The following SLC38A8 variants were observed in gnomAD, a reference collection of about 807,000 sequenced individuals.
SLC38A8 encodes the protein amino acid transporter SLC38A8.
A neutral mutation model predicts 46.0 loss-of-function variants in SLC38A8; 65 were observed. The observed-to-expected ratio is 1.41, with a 90% confidence interval of 1.16 to 1.74. SLC38A8 has a LOEUF of 1.74. Among genes scored for constraint, SLC38A8 ranks in the 40% most tolerant of loss-of-function variants. The probability of loss-of-function intolerance (pLI) is 0.00; values close to 1 mark genes in which losing one functional copy is unlikely to be tolerated. For synonymous variants in SLC38A8, 447 were observed against 243.7 expected (o/e 1.83, Z -7.77); for missense variants, 998 against 567.9 (o/e 1.76, Z -7.70).
intron 10 of SLC38A8, among the ~76,000 whole-genome samples, chr16:84,011,495 G>A (rs889581363): frequency 2.0e-5 from 3 of 152,152 alleles, no homozygotes; most frequent in South Asian, 2.1e-4. Context: ...CTAGAGGGCC[G>A]GGGGTATAGG....
At chr16:84,037,324 G>A (rs1198448184) in intron 2 of SLC38A8, among the ~76,000 whole-genome samples, 10 of 152,254 alleles carry the variant, frequency 6.6e-5, no homozygotes, top group African/African-American at 2.4e-4. Flanking sequence ...CTCACCTGCT[G>A]TGTGGCATGA....
chr16:84,037,978 G>GT (rs943800485), intron 2 of SLC38A8, among the ~76,000 whole-genome samples: 3 of 151,942 alleles, frequency 2.0e-5, no homozygotes, highest in East Asian at 1.9e-4. Context: ...CCAGCTAATT[G>GT]TTTTTTGTAT....
chr16:84,032,439 G>C (rs1340192634), intron 4 of SLC38A8, among the ~76,000 whole-genome samples: 1 of 152,190 alleles, frequency 6.6e-6, no homozygotes, highest in Non-Finnish European at 1.5e-5. Flanking sequence ...TGCCTGCCTT[G>C]GCCTCCCAAA....
At chr16:84,027,128 G>A (rs1035603446) in intron 6 of SLC38A8, among the ~76,000 whole-genome samples, 1 of 152,168 alleles carries the variant, frequency 6.6e-6, no homozygotes, top group African/African-American at 2.4e-5. Flanking sequence ...GAGGTGGGCA[G>A]ATCAAAAGGT....
chr16:84,032,414 G>T (rs1234532718), intron 4 of SLC38A8, among the ~76,000 whole-genome samples: 1 of 152,164 alleles, frequency 6.6e-6, no homozygotes, highest in Non-Finnish European at 1.5e-5. Context: ...GTTTTGAACT[G>T]CTGACCTCGT....
At chr16:84,010,230 G>A (rs897506979) in intron 10 of SLC38A8, among the ~76,000 whole-genome samples, 3 of 151,432 alleles carry the variant, frequency 2.0e-5, no homozygotes, top group African/African-American at 4.9e-5. Context: ...ACGATGACAC[G>A]AGGCCAATTT....
At chr16:84,015,803 T>A (rs1567690766) in intron 9 of SLC38A8, among the ~76,000 whole-genome samples, 1 of 152,184 alleles carries the variant, frequency 6.6e-6, no homozygotes, top group Non-Finnish European at 1.5e-5. Flanking sequence ...CCTCCCGGGT[T>A]CAAGTGATTC....
At chr16:84,013,564 G>A (rs968240748) in intron 9 of SLC38A8, among the ~76,000 whole-genome samples, 3 of 150,918 alleles carry the variant, frequency 2.0e-5, no homozygotes, top group Non-Finnish European at 2.9e-5. Flanking sequence ...CCGAGTAGCT[G>A]GGACTACAGG....
In SLC38A8 at chr16:84,035,699, G is replaced by A. The variant is rs117732747; in HGVS notation, c.388+1003C>T. 7.9e-5 allele frequency among the ~76,000 whole-genome samples: 12 copies of A among 152,336 alleles called. No homozygotes were observed. In the East Asian group the frequency reaches 1.3e-3, roughly 17 times the overall value. ...ACACTAGTCTTAAGGATGCTAGAGT[G>A]CCTCTATTAATGGTAGAGAAGACAG... On this transcript the variant is annotated intron_variant, in intron 3 of 10. Coordinates refer to ENST00000299709, the MANE Select transcript of SLC38A8 (RefSeq NM_001080442.3).
At position 84,026,665 on chromosome 16, in the gene SLC38A8, G is replaced by A. The variant is rs532080669; in HGVS notation, c.690+2829C>T. 3.3e-5 allele frequency among the ~76,000 whole-genome samples: 5 copies of A among 152,236 alleles called. No individual in the cohort carries two copies. In the South Asian group the frequency reaches 1.0e-3, roughly 31 times the overall value. Reference sequence around the variant, plus strand: ...GTGGCCAAAAAGTGGACCCCACCCAGATGCCCATCAAAGGACAGGGGATAA... The same window carrying A: ...GTGGCCAAAAAGTGGACCCCACCCAAATGCCCATCAAAGGACAGGGGATAA... On this transcript the variant is annotated intron_variant, in intron 6 of 10. Coordinates refer to ENST00000299709, the MANE Select transcript of SLC38A8 (RefSeq NM_001080442.3).
At chr16:84,022,652 G>C in intron 7 of SLC38A8, 123 bp downstream of exon 7, 1 of 723,340 alleles carries the variant, frequency 1.4e-6, no homozygotes. Flanking sequence ...GATTAAATAA[G>C]ATGCTCAAAA....
chr16:84,024,185 C>A (rs2085132527), intron 6 of SLC38A8, among the ~76,000 whole-genome samples: 1 of 152,162 alleles, frequency 6.6e-6, no homozygotes, highest in Non-Finnish European at 1.5e-5. Context: ...CCACGCAAAC[C>A]CCACTCTGTG....
At chr16:84,023,747 A>G (rs1032941707) in intron 6 of SLC38A8, among the ~76,000 whole-genome samples, 2 of 152,216 alleles carry the variant, frequency 1.3e-5, no homozygotes, top group Admixed American at 1.3e-4. Context: ...TACAAAAATT[A>G]GCCGGGCATG....
chr16:84,017,039 G>T (rs1345481768), intron 8 of SLC38A8, 101 bp downstream of exon 8: 3 of 1,463,680 alleles, frequency 2.0e-6, no homozygotes, highest in East Asian at 2.3e-5. Flanking sequence ...TGGAGAGGAT[G>T]GTAGTCCCAC....
chr16:84,017,048 A>C, intron 8 of SLC38A8, 92 bp downstream of exon 8: 3 of 1,515,124 alleles, frequency 2.0e-6, no homozygotes, highest in Non-Finnish European at 2.7e-6. Context: ...TGGTAGTCCC[A>C]CAGCCGCGTA....
At position 84,020,775 on chromosome 16, in the gene SLC38A8, A is replaced by G. The variant is rs2085086213; in HGVS notation, c.805+2000T>C. Among the ~76,000 whole-genome samples the G allele has an allele frequency of 2.6e-5, 4 of 152,220 alleles. No individual in the cohort carries two copies. In the South Asian group the frequency reaches 8.3e-4, roughly 32 times the overall value. ...CCTCTAAGATATCTGAAATGCCTTCAGGGTCTTTCTTCCATTCTCTAGATA... is the reference window on the plus strand; with the variant it reads ...CCTCTAAGATATCTGAAATGCCTTCGGGGTCTTTCTTCCATTCTCTAGATA... On this transcript the variant is annotated intron_variant, in intron 7 of 10. Coordinates refer to ENST00000299709, the MANE Select transcript of SLC38A8 (RefSeq NM_001080442.3).
chr16:84,013,420 G>GAGTTTTTTTT (rs1567689117), intron 9 of SLC38A8, among the ~76,000 whole-genome samples: 3 of 94,628 alleles, frequency 3.2e-5, no homozygotes, highest in African/African-American at 2.3e-4. Flanking sequence ...TTTGTTGTGT[G>GAGTTTTTTTT]TGTGTTTTTT....
intron 6 of SLC38A8, 118 bp from the exon 7 acceptor site, chr16:84,023,007 A>C (rs1337664783): frequency 1.5e-6 from 1 of 659,362 alleles, no homozygotes; most frequent in African/African-American, 1.9e-5. Context: ...CTCTTGAAAT[A>C]GCCTGATCAA....
rs182270934 is a variant in SLC38A8, at chr16:84,033,140, T to G, written c.530+188A>C. On this transcript the variant is annotated intron_variant, in intron 4 of 10. Transcript: ENST00000299709. ...TAGCACTGACGTTGTTACAGGTCAT[T>G]TTCTTCTTTAGGCTCATCTATGTTT... 1.1e-3 allele frequency among the ~76,000 whole-genome samples: 174 copies of G among 152,294 alleles called. 1 individual carries two copies. The highest frequency in any genetic ancestry group is 3.9e-3 in the Admixed American group (60 of 15,300).
Sources: allele counts gnomAD v4.1 joint callset (sites outside exome capture counted in the v4.1 genomes callset), GRCh38; gene constraint gnomAD v4.1.1; transcripts MANE v1.5; gene names NCBI Gene and HGNC (gene_info 2026-07-23, HGNC 2026-07-21).